Variants in PODXL2 observed in about 807,000 individuals in gnomAD.
PODXL2 encodes podocalyxin-like protein 2.
PODXL2 carries 17 observed loss-of-function variants against 53.4 expected under a neutral mutation model. The observed-to-expected ratio is 0.32, with a 90% CI of 0.22 to 0.48. The LOEUF (loss-of-function observed/expected upper bound fraction) is 0.48, where lower values mean the gene tolerates loss of function less well. Ranked by LOEUF, PODXL2 falls within the 20% of genes least tolerant of loss-of-function variation. The probability of loss-of-function intolerance (pLI) is 0.99; values close to 1 mark genes in which losing one functional copy is unlikely to be tolerated. For missense variants in PODXL2, 673 were observed against 760.0 expected, an observed-to-expected ratio of 0.89 and a Z score of 1.35; for synonymous variants, 311 against 306.7, an observed-to-expected ratio of 1.01 and a Z score of -0.15.
Position 127,668,502 on chromosome 3 carries a change from G to A in PODXL2, c.1268G>A (p.Arg423His), listed in dbSNP as rs772282332. The A allele has an allele frequency of 1.1e-5, 18 of 1,571,796 alleles. No homozygotes were observed. Among genetic ancestry groups the A allele is most frequent in the African/African-American group, 6.7e-5 (5 of 74,350 alleles). Reference sequence around the variant, plus strand: ...GCCCTGGTGGAAGAGGTGCTGCCCCGCCATGGCAGTGGCCACCATGGGGCC... The same window carrying A: ...GCCCTGGTGGAAGAGGTGCTGCCCCACCATGGCAGTGGCCACCATGGGGCC... ...LLALVEEVLP[R>H]HGSGHHGAWH... The change falls in exon 5 of 8, where the codon CGC (arginine) becomes CAC (histidine). Residue 423 changes from arginine (R) to histidine (H), a missense_variant. Physicochemically the swap from Arg to His is conservative, Grantham distance 29 (BLOSUM62 0). This residue lies in a region of PODXL2 where 588 missense variants were observed against 668.3 expected (regional missense o/e 0.88). Transcript: ENST00000342480.
chr3:127,661,388 C>G (rs976941124), intron 3 of PODXL2, among the ~76,000 whole-genome samples: 1 of 152,110 alleles, frequency 6.6e-6, no homozygotes, highest in Non-Finnish European at 1.5e-5. Flanking sequence ...GTGGCCTGGC[C>G]TGGGTTTCAT....
At chr3:127,636,353 T>TC (rs1270076489) in intron 1 of PODXL2, among the ~76,000 whole-genome samples, 2 of 151,814 alleles carry the variant, frequency 1.3e-5, no homozygotes, top group Non-Finnish European at 2.9e-5. Context: ...TAGCTTAGGG[T>TC]CCCCCCGTGA....
rs943785735 is a variant in PODXL2 at position 127,672,543 on chromosome 3, C to A, written c.*63C>A. 91 of 1,109,514 alleles carry A rather than the reference C, an allele frequency of 8.2e-5. No homozygotes were observed. Among genetic ancestry groups the A allele is most frequent in the Admixed American group, 1.3e-4 (4 of 30,950 alleles). 68.7% of individuals were successfully genotyped at this position (1,109,514 alleles called of 1,614,324 possible). On this transcript the variant is annotated 3_prime_UTR_variant, in exon 8 of 8. Coordinates refer to ENST00000342480, the MANE Select transcript of PODXL2 (RefSeq NM_015720.4). ...CAAGCGAGGTGGACCCCGAAACGGA[C>A]GGCCCGGAGCCCGCACCAGCCCCGC...
intron 4 of PODXL2, among the ~76,000 whole-genome samples, chr3:127,666,362 C>CTT (rs58975531): frequency 1.3e-4 from 19 of 142,848 alleles, no homozygotes; most frequent in African/African-American, 4.7e-4. Context: ...AGAGGTACTT[C>CTT]TTTTTTTTTT....
intron 4 of PODXL2, among the ~76,000 whole-genome samples, chr3:127,664,814 C>T (rs78559200): frequency 0.14 from 21,581 of 151,946 alleles, 2,057 homozygotes; most frequent in Non-Finnish European, 0.2. Context: ...TTTTGATTTG[C>T]ATTTTCCCTG....
At chr3:127,630,103 G>A (rs2074534021) in intron 1 of PODXL2, among the ~76,000 whole-genome samples, 1 of 152,202 alleles carries the variant, frequency 6.6e-6, no homozygotes, top group Non-Finnish European at 1.5e-5. Flanking sequence ...AGCGCAGACG[G>A]GGATTTAGTG....
At chr3:127,667,363 G>A (rs930978832) in intron 4 of PODXL2, among the ~76,000 whole-genome samples, 1 of 152,248 alleles carries the variant, frequency 6.6e-6, no homozygotes, top group African/African-American at 2.4e-5. Flanking sequence ...CAGTGGCGCT[G>A]GCTCTCAGCT....
chr3:127,671,737 C>T, intron 7 of PODXL2, 124 bp downstream of exon 7: 1 of 918,024 alleles, frequency 1.1e-6, no homozygotes, highest in African/African-American at 1.6e-5. Flanking sequence ...GGTGAAGCAG[C>T]TGGTCAGCCT....
chr3:127,672,147 A>G, intron 7 of PODXL2, 121 bp from the exon 8 acceptor site: 4 of 683,928 alleles, frequency 5.8e-6, no homozygotes, highest in Non-Finnish European at 1.0e-5. Context: ...GAAAAGAAGG[A>G]TCTGGCACCT....
chr3:127,652,066 C>G (rs2074692771), intron 2 of PODXL2, among the ~76,000 whole-genome samples: 1 of 152,218 alleles, frequency 6.6e-6, no homozygotes, highest in Non-Finnish European at 1.5e-5. Context: ...CATCCCAAGC[C>G]AAGCCCGGGT....
chr3:127,638,000 A>T (rs1039599755), intron 1 of PODXL2, among the ~76,000 whole-genome samples: 1 of 152,214 alleles, frequency 6.6e-6, no homozygotes, highest in Non-Finnish European at 1.5e-5. Flanking sequence ...CACAGTACAC[A>T]TCTGGTGTAG....
chr3:127,669,222 G>T lies in PODXL2; in HGVS notation c.1425+20G>T. On this transcript the variant is annotated intron_variant, in intron 6 of 7. Coordinates refer to ENST00000342480, the MANE Select transcript of PODXL2 (RefSeq NM_015720.4). Reference sequence around the variant, plus strand: ...GAGGAGGTAAGAGTGCAGGGACCTGGACCTGTTAGCTTCTAATATGCTCCC... The same window carrying T: ...GAGGAGGTAAGAGTGCAGGGACCTGTACCTGTTAGCTTCTAATATGCTCCC... 6.4e-7 allele frequency: 1 copy of T among 1,563,990 alleles called. No individual in the cohort carries two copies. Among genetic ancestry groups the T allele is most frequent in the South Asian group, 1.1e-5 (1 of 88,130 alleles).
intron 2 of PODXL2, among the ~76,000 whole-genome samples, chr3:127,649,540 A>G (rs2074676139): frequency 6.6e-6 from 1 of 152,232 alleles, no homozygotes. Context: ...GGCATGAATG[A>G]CTTTGAATGT....
intron 1 of PODXL2, among the ~76,000 whole-genome samples, chr3:127,630,165 C>T (rs1026427634): frequency 6.6e-6 from 1 of 151,954 alleles, no homozygotes; most frequent in Non-Finnish European, 1.5e-5. Context: ...ATGAGGCAGG[C>T]GGCCACTATG....
chr3:127,645,331 C>A (rs1055887542), intron 2 of PODXL2, among the ~76,000 whole-genome samples: 7 of 152,310 alleles, frequency 4.6e-5, no homozygotes, highest in African/African-American at 1.7e-4. Context: ...ATTCCCTAAG[C>A]CTGTGATGCA....
intron 3 of PODXL2, among the ~76,000 whole-genome samples, chr3:127,661,750 C>G (rs1392085847): frequency 4.6e-5 from 7 of 152,028 alleles, no homozygotes; most frequent in Non-Finnish European, 8.8e-5. Flanking sequence ...ACTTAGACTT[C>G]TGCACTGATT....
chr3:127,633,890 C>T (rs2074562464), intron 1 of PODXL2, among the ~76,000 whole-genome samples: 1 of 151,250 alleles, frequency 6.6e-6, no homozygotes, highest in African/African-American at 2.4e-5. Flanking sequence ...GGTGGTGGGA[C>T]AGGACAGAGA....
At chr3:127,662,599 CT>C (rs1188687710) in intron 4 of PODXL2, among the ~76,000 whole-genome samples, 1 of 152,198 alleles carries the variant, frequency 6.6e-6, no homozygotes, top group Non-Finnish European at 1.5e-5. Context: ...ACCTTTCTGT[CT>C]TTTTTAGAGT....
intron 1 of PODXL2, among the ~76,000 whole-genome samples, chr3:127,631,907 C>T (rs1407664291): frequency 6.6e-6 from 1 of 152,138 alleles, no homozygotes; most frequent in Non-Finnish European, 1.5e-5. Flanking sequence ...TACCAGATTC[C>T]TTTTTCTTCA....
Sources: gnomAD v4.1 joint callset for allele counts (sites outside exome capture counted in the v4.1 genomes callset) on GRCh38, gnomAD v4.1.1 for gene constraint, gnomAD v4.1.1 regional missense constraint, MANE v1.5 for transcripts, NCBI Gene and HGNC (gene_info 2026-07-23, HGNC 2026-07-21) for gene names.